DAGLB: variants seen among roughly 807,000 people sequenced by gnomAD.
The protein encoded by DAGLB is diacylglycerol lipase-beta.
In DAGLB, 66 loss-of-function variants were observed where a neutral mutation model predicts 72.1. The observed-to-expected ratio is 0.92, with a 90% CI of 0.75 to 1.12. The LOEUF (loss-of-function observed/expected upper bound fraction) is 1.12. Ranked by LOEUF, DAGLB falls within the 50% of genes most tolerant of loss-of-function variation. The pLI is 0.00. For synonymous variants in DAGLB, 414 were observed against 359.5 expected, an observed-to-expected ratio of 1.15 and a Z score of -1.71; for missense variants, 1,065 against 884.9, an observed-to-expected ratio of 1.20 and a Z score of -2.58.
chr7:6,442,349 G>A (rs557909956), intron 2 of DAGLB, among the ~76,000 whole-genome samples: 13 of 152,190 alleles, frequency 8.5e-5, no homozygotes, highest in African/African-American at 2.9e-4. Context: ...TTGTACGAGT[G>A]TCTAGGAAGA....
intron 9 of DAGLB, among the ~76,000 whole-genome samples, chr7:6,420,470 G>A (rs544405921): frequency 6.6e-6 from 1 of 151,920 alleles, no homozygotes; most frequent in Non-Finnish European, 1.5e-5. Context: ...ACAGGCCACT[G>A]ACAAAAGGAC....
Position 6,434,967 on chromosome 7 carries a change from A to G in DAGLB, c.473T>C (p.Leu158Pro), listed in dbSNP as rs774208918. ...GGAATATGGAGCCATTTTCCCCCCA[A>G]GAGGGTCAAAGACAATGATAATGGA... is the stretch of plus-strand genomic sequence containing the variant. ...VVSIIIVFDP[L>P]GGKMAPYSSA... The change falls in exon 4 of 15, where the codon CTT (leucine) becomes CCT (proline). Residue 158 changes from leucine (L) to proline (P), a missense_variant. Transcript: ENST00000297056. The G allele has an allele frequency of 3.1e-6, 5 of 1,613,950 alleles. No individual in the cohort carries two copies. In the African/African-American group the frequency reaches 4.0e-5, roughly 13 times the overall value.
At position 6,442,801 on chromosome 7, in the gene DAGLB, C is replaced by A. The variant is rs374479406; in HGVS notation, c.247+3152G>T. 2.2e-3 allele frequency among the ~76,000 whole-genome samples: 335 copies of A among 152,218 alleles called. 3 individuals are homozygous for A. The highest frequency in any genetic ancestry group is 7.7e-3 in the African/African-American group (318 of 41,538). On this transcript the variant is annotated intron_variant, in intron 2 of 14. Coordinates refer to ENST00000297056, the MANE Select transcript of DAGLB (RefSeq NM_139179.4). ...GGTGCAGTGGCTCACACCTGTAATA[C>A]CAGCACTTTGGGAGGATGAGGTGGG...
At chr7:6,441,645 C>T (rs1434613402) in intron 2 of DAGLB, among the ~76,000 whole-genome samples, 1 of 151,214 alleles carries the variant, frequency 6.6e-6, no homozygotes, top group Non-Finnish European at 1.5e-5. Flanking sequence ...TCTTGATCTC[C>T]TGACCTCATG....
At position 6,410,397 on chromosome 7, in the gene DAGLB, A is replaced by G. The variant is rs1562476355; in HGVS notation, c.1570-17T>C. The G allele has an allele frequency of 3.1e-6, 5 of 1,592,146 alleles. No homozygotes were observed. The highest frequency in any genetic ancestry group is 4.3e-6 in the Non-Finnish European group (5 of 1,166,710). On this transcript the variant is annotated splice_polypyrimidine_tract_variant and intron_variant, in intron 13 of 14. Transcript: ENST00000297056. The stretch of plus-strand genomic sequence containing the variant: ...GATCTTGTACTGAGGGCGAGACCCA[A>G]TCAGTAGAATGCTGTCACTCACCCT...
intron 9 of DAGLB, 123 bp from the exon 10 acceptor site, chr7:6,417,044 A>G: frequency 9.1e-7 from 1 of 1,098,752 alleles, no homozygotes; most frequent in South Asian, 1.4e-5. Flanking sequence ...GAGACTGCAG[A>G]ATCAGCAGCC....
chr7:6,409,146 T>C lies in DAGLB; in HGVS notation c.*691A>G, dbSNP rs1203427871. The C allele has an allele frequency of 6.5e-6, 1 of 153,610 alleles. No homozygotes were observed. Among genetic ancestry groups the C allele is most frequent in the South Asian group, 2.0e-4 (1 of 4,924 alleles). 9.5% of individuals were successfully genotyped at this position (153,610 alleles called of 1,614,324 possible). A position where few individuals can be genotyped will look rare whatever the true frequency, so the allele number is the denominator to read the frequency against. ...ACAAGCACTATGGTGACGCGCGCTT[T>C]ATTGTTTCAACTCCTGAATCCACTG... On this transcript the variant is annotated 3_prime_UTR_variant, in exon 15 of 15. Coordinates refer to ENST00000297056, the MANE Select transcript of DAGLB (RefSeq NM_139179.4).
chr7:6,433,414 G>A (rs1445868118), intron 4 of DAGLB, among the ~76,000 whole-genome samples: 1 of 152,178 alleles, frequency 6.6e-6, no homozygotes, highest in African/African-American at 2.4e-5. Context: ...GGTATGGCAA[G>A]CCTCATAAAG....
chr7:6,416,691 T>C lies in DAGLB; in HGVS notation c.1363A>G (p.Met455Val), dbSNP rs1320495428. The C allele has an allele frequency of 1.2e-6, 2 of 1,613,764 alleles. No individual in the cohort carries two copies. Among genetic ancestry groups the C allele is most frequent in the East Asian group, 2.2e-5 (1 of 44,878 alleles). ...GGGAAALLAT[M>V]LRAAYPQVRC... ...ACCTGCGGGTAGGCGGCTCTGAGCATGGTGGCCAGCAGGGCGGCCGCCCCG... is the reference window on the plus strand; with the variant it reads ...ACCTGCGGGTAGGCGGCTCTGAGCACGGTGGCCAGCAGGGCGGCCGCCCCG... Residue 455 changes from methionine to valine, a missense_variant, in exon 11 of 15, where the codon ATG (methionine) becomes GTG (valine). By Grantham distance (21) the Met-to-Val change is conservative. Transcript: ENST00000297056.
intron 2 of DAGLB, 109 bp downstream of exon 2, chr7:6,445,843 TA>T: frequency 8.0e-7 from 1 of 1,244,638 alleles, no homozygotes; most frequent in Non-Finnish European, 1.1e-6. Flanking sequence ...GTGATTATAT[TA>T]AAAACTGTTG....
chr7:6,412,293 CCA>C (rs1039296922), intron 13 of DAGLB, among the ~76,000 whole-genome samples: 1 of 152,146 alleles, frequency 6.6e-6, no homozygotes, highest in African/African-American at 2.4e-5. Context: ...TGCATGATAT[CCA>C]CAGTGTAGAT....
At chr7:6,414,524 C>G (rs1408675124) in intron 11 of DAGLB, among the ~76,000 whole-genome samples, 1 of 151,752 alleles carries the variant, frequency 6.6e-6, no homozygotes, top group Non-Finnish European at 1.5e-5. Flanking sequence ...TGGTCTCGAT[C>G]TCCTGGGCTC....
At chr7:6,439,426 T>C (rs1290971718) in intron 2 of DAGLB, among the ~76,000 whole-genome samples, 1 of 152,178 alleles carries the variant, frequency 6.6e-6, no homozygotes, top group Non-Finnish European at 1.5e-5. Context: ...ACCACTGTCT[T>C]GGTTAAGTAA....
At chr7:6,446,462 T>A (rs561779461) in intron 1 of DAGLB, among the ~76,000 whole-genome samples, 16 of 94,190 alleles carry the variant, frequency 1.7e-4, no homozygotes, top group Non-Finnish European at 2.8e-4. Flanking sequence ...TGGGCAACGA[T>A]ATGAGACTCC....
chr7:6,432,931 G>A lies in DAGLB; in HGVS notation c.707C>T (p.Ala236Val), dbSNP rs758307012. The A allele has an allele frequency of 2.5e-6, 4 of 1,613,676 alleles. No individual in the cohort carries two copies. Among genetic ancestry groups the A allele is most frequent in the African/African-American group, 1.3e-5 (1 of 74,918 alleles). ...CTGATGAAGCAGGGCGAGGCCCGCC[G>A]CAATGTCGCTGGGCACCAGATCTGT... Reference protein sequence around the residue: ...SDTDLVPSDIAAGLALLHQQQ... With the variant: ...SDTDLVPSDIVAGLALLHQQQ... The change falls in exon 5 of 15, where the codon GCG (alanine) becomes GTG (valine). Residue 236 changes from alanine to valine, a missense_variant. Transcript: ENST00000297056.
At chr7:6,434,567 G>T (rs770759932) in intron 4 of DAGLB, among the ~76,000 whole-genome samples, 195 bp downstream of exon 4, 1 of 152,144 alleles carries the variant, frequency 6.6e-6, no homozygotes, top group African/African-American at 2.4e-5. Flanking sequence ...GGGACACAGG[G>T]TCTGAGAAGG....
intron 1 of DAGLB, 38 bp downstream of exon 1, chr7:6,447,710 C>T: frequency 6.3e-7 from 1 of 1,598,860 alleles, no homozygotes; most frequent in Admixed American, 1.8e-5. Context: ...CGCTCCCTCT[C>T]CGGTGGGCTC....
rs941800217 is a variant in DAGLB, at chr7:6,413,010, C to A, written c.1452G>T (p.Gln484His). Residue 484 changes from glutamine (Q) to histidine (H), a missense_variant, in exon 12 of 15, where the codon CAG becomes CAT. By Grantham distance (24) the Gln-to-His change is conservative (BLOSUM62 0). Coordinates refer to ENST00000297056, the MANE Select transcript of DAGLB (RefSeq NM_139179.4). ...LWSKALQEYSQSFIVSLVLGK... is the reference protein window; with the variant it reads ...LWSKALQEYSHSFIVSLVLGK... ...CCAGGACGAGTGACACGATGAAGCTCTGAGAATATTCCTGCAGAGCTTTGC... is the reference window on the plus strand; with the variant it reads ...CCAGGACGAGTGACACGATGAAGCTATGAGAATATTCCTGCAGAGCTTTGC... The A allele has an allele frequency of 6.2e-7, 1 of 1,613,764 alleles. No individual in the cohort carries two copies. The highest frequency in any genetic ancestry group is 8.5e-7 in the Non-Finnish European group (1 of 1,179,896).
intron 7 of DAGLB, among the ~76,000 whole-genome samples, chr7:6,425,188 C>T (rs976488368): frequency 1.2e-4 from 19 of 152,352 alleles, no homozygotes; most frequent in African/African-American, 4.6e-4. Context: ...CGATCTGCGC[C>T]AGCAGGCCTC....
Sources: allele counts gnomAD v4.1 joint callset (sites outside exome capture counted in the v4.1 genomes callset), GRCh38; gene constraint gnomAD v4.1.1; transcripts MANE v1.5; gene names NCBI Gene and HGNC (gene_info 2026-07-23, HGNC 2026-07-21).